The following DLEU7 variants were observed in gnomAD, a reference collection of about 807,000 sequenced individuals.
DLEU7 encodes deleted in lymphocytic leukemia 7.
Under a neutral mutation model 16.0 loss-of-function variants are expected in DLEU7, and 17 were observed. The ratio of observed to expected loss-of-function variants is 1.06; its 90% CI spans 0.73 to 1.59. The LOEUF (loss-of-function observed/expected upper bound fraction) is 1.59. Among genes scored for constraint, DLEU7 ranks in the 40% most tolerant of loss-of-function variants. The pLI is 0.00. For missense variants in DLEU7, 308 were observed against 314.9 expected, an observed-to-expected ratio of 0.98 and a Z score of 0.17; for synonymous variants, 113 against 139.8, an observed-to-expected ratio of 0.81 and a Z score of 1.35.
intron 1 of DLEU7, among the ~76,000 whole-genome samples, chr13:50,735,563 A>AGAAAAAATAGAAAATATAT (rs1264795986): frequency 4.9e-4 from 74 of 152,244 alleles, no homozygotes; most frequent in South Asian, 1.9e-3. Context: ...AGAAATTACA[A>AGAAAAAATAGAAAATATAT]GAAAAAATAG....
At chr13:50,754,743 T>C (rs1874701371) in intron 1 of DLEU7, among the ~76,000 whole-genome samples, 1 of 152,208 alleles carries the variant, frequency 6.6e-6, no homozygotes, top group South Asian at 2.1e-4. Flanking sequence ...CCTTGGTTTT[T>C]TTGTTTTTGC....
chr13:50,805,032 T>G (rs1876351455), intron 1 of DLEU7, among the ~76,000 whole-genome samples: 1 of 152,142 alleles, frequency 6.6e-6, no homozygotes, highest in Non-Finnish European at 1.5e-5. Context: ...TTGTATACAT[T>G]TTCTTTCTCT....
chr13:50,829,764 AG>A (rs897530684), intron 1 of DLEU7, among the ~76,000 whole-genome samples: 2 of 152,228 alleles, frequency 1.3e-5, no homozygotes, highest in Admixed American at 1.3e-4. Flanking sequence ...CTCTTAAGCC[AG>A]GGTAGGGAAA....
intron 1 of DLEU7, among the ~76,000 whole-genome samples, chr13:50,814,150 T>G (rs1876652244): frequency 6.6e-6 from 1 of 152,158 alleles, no homozygotes; most frequent in Non-Finnish European, 1.5e-5. Context: ...AAAAACAGTT[T>G]TATTTAGGAA....
At chr13:50,711,772 C>CCGGTGGGGGG, downstream of DLEU7, 11 of 72,928 alleles carry the variant, frequency 1.5e-4, 2 homozygotes, top group African/African-American at 4.3e-4. Flanking sequence ...GACCCAGTGG[C>CCGGTGGGGGG]GGGGGCGGGG....
intron 1 of DLEU7, among the ~76,000 whole-genome samples, chr13:50,752,765 C>T (rs1593542155): frequency 6.6e-6 from 1 of 152,188 alleles, no homozygotes; most frequent in East Asian, 1.9e-4. Context: ...CTCATAAAGG[C>T]AGTGTGGACC....
At chr13:50,786,398 A>G (rs1004635783) in intron 1 of DLEU7, among the ~76,000 whole-genome samples, 2 of 152,174 alleles carry the variant, frequency 1.3e-5, no homozygotes, top group Non-Finnish European at 2.9e-5. Flanking sequence ...GATAAGAGCT[A>G]ATTTGTATAC....
intron 1 of DLEU7, among the ~76,000 whole-genome samples, chr13:50,716,986 A>T (rs992551841): frequency 1.6e-4 from 25 of 152,360 alleles, no homozygotes; most frequent in African/African-American, 5.5e-4. Context: ...CATTTAATTT[A>T]AACCAATACA....
intron 1 of DLEU7, among the ~76,000 whole-genome samples, chr13:50,729,287 G>T (rs1873853194): frequency 6.6e-6 from 1 of 152,132 alleles, no homozygotes; most frequent in African/African-American, 2.4e-5. Flanking sequence ...GCAGTATTTG[G>T]TTTTCTGTTC....
At chr13:50,798,708 G>A (rs1284079431) in intron 1 of DLEU7, among the ~76,000 whole-genome samples, 1 of 152,182 alleles carries the variant, frequency 6.6e-6, no homozygotes, top group Non-Finnish European at 1.5e-5. Flanking sequence ...TCAACCTCCA[G>A]GCCACTCTAG....
intron 1 of DLEU7, among the ~76,000 whole-genome samples, chr13:50,783,180 C>G (rs1875703131): frequency 6.6e-6 from 1 of 152,164 alleles, no homozygotes; most frequent in African/African-American, 2.4e-5. Context: ...GGCTGAGCTC[C>G]CATTGCTCAC....
intron 1 of DLEU7, among the ~76,000 whole-genome samples, chr13:50,753,201 G>A (rs1022227624): frequency 6.6e-6 from 1 of 152,190 alleles, no homozygotes; most frequent in Non-Finnish European, 1.5e-5. Context: ...TAGACATAAA[G>A]GTTCTCCACA....
At chr13:50,807,645 A>G (rs76348793) in intron 1 of DLEU7, among the ~76,000 whole-genome samples, 2 of 152,088 alleles carry the variant, frequency 1.3e-5, no homozygotes, top group Non-Finnish European at 2.9e-5. Flanking sequence ...AAGGGGAAGA[A>G]AGAGGGAAAA....
chr13:50,783,767 G>A (rs185983076), intron 1 of DLEU7, among the ~76,000 whole-genome samples: 87 of 152,250 alleles, frequency 5.7e-4, no homozygotes, highest in African/African-American at 1.9e-3. Context: ...GAGCTGAGGT[G>A]AGTCCTCTGA....
chr13:50,811,606 G>C (rs902205781), intron 1 of DLEU7, among the ~76,000 whole-genome samples: 30 of 152,240 alleles, frequency 2.0e-4, no homozygotes, highest in African/African-American at 7.0e-4. Context: ...TTAGCATTGA[G>C]GCTCCCTTCC....
At position 50,773,278 on chromosome 13, in the gene DLEU7, CAA is replaced by C. The variant is rs1875385420; in HGVS notation, c.460-60040_460-60039del. ...CTGAAGCCTACTTTTGTTAACCCAT[CAA>C]AGTCATTCTCTATCCAGCTTTGTTC... is the stretch of plus-strand genomic sequence containing the variant. On this transcript the variant is annotated intron_variant, in intron 1 of 1. Transcript: ENST00000400393. 2.6e-5 allele frequency among the ~76,000 whole-genome samples: 4 copies of C among 152,194 alleles called. No homozygotes were observed. The South Asian group carries it at 8.3e-4, about 32-fold the overall frequency.
At chr13:50,718,283 C>G (rs1873494298) in intron 1 of DLEU7, among the ~76,000 whole-genome samples, 1 of 152,134 alleles carries the variant, frequency 6.6e-6, no homozygotes, top group South Asian at 2.1e-4. Context: ...CAAAACATAA[C>G]ATGGAAACAT....
At chr13:50,725,899 T>C (rs1196970911) in intron 1 of DLEU7, among the ~76,000 whole-genome samples, 1 of 152,202 alleles carries the variant, frequency 6.6e-6, no homozygotes, top group Non-Finnish European at 1.5e-5. Flanking sequence ...ATAACTCTAA[T>C]CATGAAGGTC....
chr13:50,729,992 T>C (rs570594688), intron 1 of DLEU7, among the ~76,000 whole-genome samples: 1 of 152,292 alleles, frequency 6.6e-6, no homozygotes, highest in South Asian at 2.1e-4. Context: ...TTTAGTATGT[T>C]ATATGTGTTA....
Sources: gnomAD v4.1 joint callset for allele counts (sites outside exome capture counted in the v4.1 genomes callset) on GRCh38, gnomAD v4.1.1 for gene constraint, MANE v1.5 for transcripts, NCBI Gene and HGNC (gene_info 2026-07-23, HGNC 2026-07-21) for gene names.